DOK1: variants seen among roughly 807,000 people sequenced by gnomAD.
The protein encoded by DOK1 is docking protein 1.
A neutral mutation model predicts 24.0 loss-of-function variants in DOK1; 12 were observed. The ratio of observed to expected loss-of-function variants is 0.50; its 90% CI spans 0.32 to 0.81. The LOEUF (loss-of-function observed/expected upper bound fraction) is 0.81. Among genes scored for constraint, DOK1 ranks in the 30% least tolerant of loss-of-function variants. DOK1 has a pLI of 0.03. For missense variants in DOK1, 591 were observed against 620.7 expected (o/e 0.95, Z 0.51); for synonymous variants, 250 against 260.9 (o/e 0.96, Z 0.40).
Position 74,555,253 on chromosome 2 carries a change from C to T in DOK1, c.160C>T (p.Arg54Ter). The T allele has an allele frequency of 6.2e-7, 1 of 1,613,892 alleles. No homozygotes were observed. The highest frequency in any genetic ancestry group is 8.5e-7 in the Non-Finnish European group (1 of 1,180,018). ...DHKGSSSGGG[R>*]GSSRRLDCKV... ...TAAGGGGTCGAGCTCTGGGGGTGGC[C>T]GAGGGAGCTCGCGCCGCCTGGACTG... is the stretch of plus-strand genomic sequence containing the variant. Residue 54 changes from arginine to a stop codon, truncating the protein, a stop_gained, in exon 2 of 5, where the codon CGA (arginine) becomes TGA (stop). Transcript: ENST00000233668. LOFTEE classifies it high-confidence loss of function. This position sits in a 1 kb window ranked among gnomAD's most constrained non-coding sequence, Gnocchi z 6.1.
upstream of DOK1, among the ~76,000 whole-genome samples, chr2:74,551,136 G>A (rs1427387073): frequency 2.0e-5 from 3 of 152,162 alleles, no homozygotes; most frequent in African/African-American, 7.2e-5. Flanking sequence ...TTTCAACCAT[G>A]TTGGCCAGGC....
rs149309734 is a variant in DOK1, at chr2:74,555,985, G to C, written c.546G>C (p.Arg182Ser). The change falls in exon 4 of 5, where the codon AGG becomes AGC. Residue 182 changes from arginine to serine, a missense_variant. Transcript: ENST00000233668. This position sits in a 1 kb window ranked among gnomAD's most constrained non-coding sequence, Gnocchi z 6.1. The stretch of plus-strand genomic sequence containing the variant: ...ACGTGCTGAGGGTGGAGGCTGAAAG[G>C]CTGACTCTCCTGACCGTGGGGGCCC... ...GSYVLRVEAE[R>S]LTLLTVGAQS... 8.7e-6 allele frequency: 14 copies of C among 1,613,866 alleles called. No individual in the cohort carries two copies. The highest frequency in any genetic ancestry group is 8.0e-5 in the African/African-American group (6 of 74,936).
At position 74,557,013 on chromosome 2, in the gene DOK1, T is replaced by A; in HGVS notation, c.1345T>A (p.Tyr449Asn). ...CATCAAAAGCCACAACTCAGCCCTG[T>A]ACAGCCAGGTCCAGAAGAGCGGGGC... The part of the protein sequence containing the change: ...SGIKSHNSAL[Y>N]SQVQKSGASG... The change falls in exon 5 of 5, where the codon TAC (tyrosine) becomes AAC (asparagine). Residue 449 changes from tyrosine to asparagine, a missense_variant. Transcript: ENST00000233668. The A allele has an allele frequency of 6.2e-7, 1 of 1,614,204 alleles. No individual in the cohort carries two copies.
At chr2:74,552,731 G>T (rs1260419065), upstream of DOK1, 1 of 1,202,956 alleles carries the variant, frequency 8.3e-7, no homozygotes, top group East Asian at 2.6e-5. Flanking sequence ...AGTCACGAAA[G>T]AAAAACAGAC....
At chr2:74,552,279 C>T (rs1331598088), upstream of DOK1, 28 of 1,553,030 alleles carry the variant, frequency 1.8e-5, 1 homozygote, top group South Asian at 3.3e-4. Context: ...GCACTTTGGC[C>T]ACACATAGGA....
In DOK1 at chr2:74,549,147, G is replaced by A; in HGVS notation, c.-383G>A. ...GCCCAGGCGTCGGCCACGAGAGAGC[G>A]GGAGCCTCGCTGGTCCCCATTTCAG... is the stretch of plus-strand genomic sequence containing the variant. On this transcript the variant is annotated 5_prime_UTR_variant, in exon 1 of 5. Coordinates refer to the DOK1 transcript ENST00000409429. The surrounding 1 kb of genome is among the most constrained non-coding windows in gnomAD (Gnocchi z 5.3). 1 of 431,170 alleles carries A rather than the reference G, an allele frequency of 2.3e-6. No individual in the cohort carries two copies. The highest frequency in any genetic ancestry group is 4.0e-6 in the Non-Finnish European group (1 of 252,494). The allele number at this position is 431,170 out of a possible 1,614,324, so 26.7% of individuals were successfully genotyped here.
rs776010839 is a variant in DOK1, at chr2:74,557,219, AT to A, written c.*106del. The A allele has an allele frequency of 1.5e-4, 176 of 1,195,236 alleles. No homozygotes were observed. Among genetic ancestry groups the A allele is most frequent in the Non-Finnish European group, 2.0e-4 (173 of 864,070 alleles). The allele number at this position is 1,195,236 out of a possible 1,614,324, so 74.0% of individuals were successfully genotyped here. Reference sequence around the variant, plus strand: ...CAGAAGCCAGAGGGTGGGAGGGGCCATGCTGTGTGAGACCAGGGGACCAGAG... The same window carrying A: ...CAGAAGCCAGAGGGTGGGAGGGGCCAGCTGTGTGAGACCAGGGGACCAGAG... On this transcript the variant is annotated 3_prime_UTR_variant, in exon 5 of 5. Coordinates refer to ENST00000233668, the MANE Select transcript of DOK1 (RefSeq NM_001381.5).
At chr2:74,549,905 A>G (rs2104443456), upstream of DOK1, 1 of 985,488 alleles carries the variant, frequency 1.0e-6, no homozygotes, top group South Asian at 4.7e-5. The surrounding 1 kb of genome is among the most constrained non-coding windows in gnomAD (Gnocchi z 5.3). Flanking sequence ...ATGTCTCAGG[A>G]AAGCAGGAAC....
upstream of DOK1, chr2:74,552,358 C>G: frequency 6.2e-7 from 1 of 1,610,386 alleles, no homozygotes; most frequent in South Asian, 1.1e-5. Flanking sequence ...TGGGTCCAGC[C>G]TGTGGCCTCT....
At chr2:74,554,709 C>T (rs1188775059), upstream of DOK1, 5 of 1,601,326 alleles carry the variant, frequency 3.1e-6, no homozygotes, top group Non-Finnish European at 4.3e-6. This position sits in a 1 kb window ranked among gnomAD's most constrained non-coding sequence, Gnocchi z 4.9. Flanking sequence ...TCCCGCCCCG[C>T]CTCCCGCCGC....
chr2:74,549,450 C>T lies in DOK1; in HGVS notation c.-358+278C>T. 1 of 1,613,340 alleles carries T rather than the reference C, an allele frequency of 6.2e-7. No individual in the cohort carries two copies. Among genetic ancestry groups the T allele is most frequent in the Middle Eastern group, 1.6e-4 (1 of 6,062 alleles). ...CACGTGGCTGTTGTGGGCGCTCCAG[C>T]CTTTGTCGCACACTTGCGACCAGCC... On this transcript the variant is annotated intron_variant, in intron 1 of 4. Transcript: ENST00000409429. The surrounding 1 kb of genome is among the most constrained non-coding windows in gnomAD (Gnocchi z 5.3).
rs751551675 is a variant in DOK1 at position 74,557,122 on chromosome 2, G to A, written c.*8G>A. ...TCAGAGGGCTCTACCTGAGAAGGAC[G>A]GCAAGGCTGAGGTGGCTAAGGGGGA... On this transcript the variant is annotated 3_prime_UTR_variant, in exon 5 of 5. Transcript: ENST00000233668. 1.6e-5 allele frequency: 26 copies of A among 1,598,854 alleles called. No individual in the cohort carries two copies. In the South Asian group the frequency reaches 1.9e-4, roughly 12 times the overall value.
Position 74,554,782 on chromosome 2 carries a change from C to G in DOK1, c.28C>G (p.Leu10Val), listed in dbSNP as rs748283135. 7 of 1,614,106 alleles carry G rather than the reference C, an allele frequency of 4.3e-6. No individual in the cohort carries two copies. The South Asian group carries it at 7.7e-5, about 18-fold the overall frequency. Residue 10 changes from leucine (L) to valine (V), a missense_variant, in exon 1 of 5, where the codon CTT becomes GTT. Physicochemically the swap from Leu to Val is conservative, Grantham distance 32. Transcript: ENST00000233668. This position sits in a 1 kb window ranked among gnomAD's most constrained non-coding sequence, Gnocchi z 4.9. ...GGACGGAGCAGTGATGGAAGGGCCG[C>G]TTTTTTTGCAGAGTCAGCGCTTTGG... MDGAVMEGP[L>V]FLQSQRFGTK...
rs751634754 is a variant in DOK1 at position 74,557,266 on chromosome 2, G to A, written c.*152G>A. 2.7e-4 allele frequency: 212 copies of A among 791,442 alleles called. 1 individual carries two copies. The highest frequency in any genetic ancestry group is 3.8e-4 in the Non-Finnish European group (195 of 515,874). 49.0% of individuals were successfully genotyped at this position (791,442 alleles called of 1,614,324 possible). A position where few individuals can be genotyped will look rare whatever the true frequency, so the allele number is the denominator to read the frequency against. On this transcript the variant is annotated 3_prime_UTR_variant, in exon 5 of 5. Transcript: ENST00000233668. ...CAGAGGGATGGGAGAGTCAAGGGAA[G>A]GACAATCCCAGGAAGTCCTAAGAAG...
chr2:74,556,058 C>T lies in DOK1; in HGVS notation c.619C>T (p.Arg207Cys), dbSNP rs1185011606. The T allele has an allele frequency of 1.9e-6, 3 of 1,599,728 alleles. No homozygotes were observed. Among genetic ancestry groups the T allele is most frequent in the Non-Finnish European group, 1.7e-6 (2 of 1,171,994 alleles). ...CCTGTCCTGGCCCTACACTCTGTTG[C>T]GTCGCTATGGCCGGGACAAGGTGCA... is the stretch of plus-strand genomic sequence containing the variant. ...PLLSWPYTLLRRYGRDKVMFS... is the reference protein window; with the variant it reads ...PLLSWPYTLLCRYGRDKVMFS... Residue 207 changes from arginine to cysteine, a missense_variant, in exon 4 of 5, where the codon CGT becomes TGT. Physicochemically the swap from Arg to Cys is radical, Grantham distance 180. Transcript: ENST00000233668. The surrounding 1 kb of genome is among the most constrained non-coding windows in gnomAD (Gnocchi z 4.1).
chr2:74,555,068 G>C lies in DOK1; in HGVS notation c.61-86G>C, dbSNP rs1447389542. 4 of 1,496,794 alleles carry C rather than the reference G, an allele frequency of 2.7e-6. No homozygotes were observed. The East Asian group carries it at 9.6e-5, about 36-fold the overall frequency. The allele number at this position is 1,496,794 out of a possible 1,614,324, so 92.7% of individuals were successfully genotyped here. ...GTTTGGAAGCCCCAGATCCCAAATC[G>C]ACTTGCGCCGCAACCTCCTTCCCCG... On this transcript the variant is annotated intron_variant, in intron 1 of 4. Coordinates refer to ENST00000233668, the MANE Select transcript of DOK1 (RefSeq NM_001381.5). This position sits in a 1 kb window ranked among gnomAD's most constrained non-coding sequence, Gnocchi z 6.1.
chr2:74,549,258 C>T lies in DOK1; in HGVS notation c.-358+86C>T. ...CGGCCTCCATATTTTCCCGCGCGTC[C>T]CGACCCCCGGGTCCTCCCGTGCCCC... On this transcript the variant is annotated intron_variant, in intron 1 of 4. Coordinates refer to the DOK1 transcript ENST00000409429. This position sits in a 1 kb window ranked among gnomAD's most constrained non-coding sequence, Gnocchi z 5.3. 1 of 1,273,464 alleles carries T rather than the reference C, an allele frequency of 7.9e-7. No individual in the cohort carries two copies. The highest frequency in any genetic ancestry group is 1.0e-6 in the Non-Finnish European group (1 of 961,288). The allele number at this position is 1,273,464 out of a possible 1,614,324, so 78.9% of individuals were successfully genotyped here.
At chr2:74,549,730 C>T (rs1676873209), upstream of DOK1, 5 of 1,442,738 alleles carry the variant, frequency 3.5e-6, no homozygotes, top group South Asian at 6.0e-5. The surrounding 1 kb of genome is among the most constrained non-coding windows in gnomAD (Gnocchi z 5.3). Flanking sequence ...GCCACGATGG[C>T]CGCAGTCCGC....
At chr2:74,552,542 C>T (rs1677084336), upstream of DOK1, 6 of 1,612,482 alleles carry the variant, frequency 3.7e-6, no homozygotes, top group Non-Finnish European at 2.5e-6. Context: ...TCTCAGGGCC[C>T]GTGGAAGGGG....
Sources: gnomAD v4.1 joint callset for allele counts (sites outside exome capture counted in the v4.1 genomes callset) on GRCh38, gnomAD v4.1.1 for gene constraint, Gnocchi (gnomAD v3.1) non-coding constraint, MANE v1.5 for transcripts, NCBI Gene and HGNC (gene_info 2026-07-23, HGNC 2026-07-21) for gene names.